The following CHCHD3 variants were observed in gnomAD, a reference collection of about 807,000 sequenced individuals.
CHCHD3 encodes the protein coiled-coil-helix-coiled-coil-helix domain containing 3, also known as MICOS complex subunit MIC19.
CHCHD3 carries 20 observed loss-of-function variants against 38.2 expected under a neutral mutation model. That is an observed-to-expected ratio of 0.52 (90% CI 0.37 to 0.76). The LOEUF is 0.76. Ranked by LOEUF, CHCHD3 falls within the 30% of genes least tolerant of loss-of-function variation. The pLI, the probability that CHCHD3 is intolerant of heterozygous loss-of-function variation, is 0.00. For missense variants in CHCHD3, 245 were observed against 279.2 expected, an observed-to-expected ratio of 0.88 and a Z score of 0.87; for synonymous variants, 82 against 100.0, an observed-to-expected ratio of 0.82 and a Z score of 1.07.
intron 2 of CHCHD3, among the ~76,000 whole-genome samples, chr7:133,043,020 C>T (rs1441878299): frequency 6.6e-6 from 1 of 151,962 alleles, no homozygotes; most frequent in Non-Finnish European, 1.5e-5. Context: ...GTGTGCACCA[C>T]CACACCCAGC....
intron 3 of CHCHD3, among the ~76,000 whole-genome samples, chr7:132,997,186 C>A (rs927041391): frequency 2.0e-5 from 3 of 152,136 alleles, no homozygotes; most frequent in Non-Finnish European, 2.9e-5. Flanking sequence ...TTCACAATAT[C>A]CATTTCTATC....
intron 1 of CHCHD3, among the ~76,000 whole-genome samples, chr7:133,072,337 T>C (rs1814848155): frequency 6.6e-6 from 1 of 152,146 alleles, no homozygotes; most frequent in Admixed American, 6.5e-5. Flanking sequence ...AATACTAACA[T>C]TCACTGAGTG....
Position 132,950,990 on chromosome 7 carries a change from C to T in CHCHD3, c.369+24179G>A, listed in dbSNP as rs1398838533. On this transcript the variant is annotated intron_variant, in intron 4 of 7. Coordinates refer to ENST00000262570, the MANE Select transcript of CHCHD3 (RefSeq NM_017812.4). Reference sequence around the variant, plus strand: ...TTGGCTGAGGCACAGCACCCTTAACCATCTATCATAAAGTACTCCGGACCT... The same window carrying T: ...TTGGCTGAGGCACAGCACCCTTAACTATCTATCATAAAGTACTCCGGACCT... Among the ~76,000 whole-genome samples, 9 of 152,276 alleles carry T rather than the reference C, an allele frequency of 5.9e-5. No homozygotes were observed. The South Asian group carries it at 1.9e-3, about 32-fold the overall frequency.
chr7:132,873,047 A>C (rs1808804614), intron 5 of CHCHD3, among the ~76,000 whole-genome samples: 1 of 151,966 alleles, frequency 6.6e-6, no homozygotes, highest in Non-Finnish European at 1.5e-5. Context: ...CCGAGATCGC[A>C]CCACTGCACT....
intron 2 of CHCHD3, among the ~76,000 whole-genome samples, chr7:133,037,893 C>CATTT (rs1446855935): frequency 6.6e-6 from 1 of 152,168 alleles, no homozygotes; most frequent in Non-Finnish European, 1.5e-5. Flanking sequence ...AGAAATGGAT[C>CATTT]ATTTTCCTTT....
At chr7:132,873,589 C>T (rs1304157614) in intron 5 of CHCHD3, among the ~76,000 whole-genome samples, 3 of 151,788 alleles carry the variant, frequency 2.0e-5, no homozygotes, top group Non-Finnish European at 2.9e-5. Flanking sequence ...TTAATGATGA[C>T]GTTGATGGTA....
At chr7:132,949,018 C>T (rs148610879) in intron 4 of CHCHD3, among the ~76,000 whole-genome samples, 30 of 152,092 alleles carry the variant, frequency 2.0e-4, no homozygotes, top group African/African-American at 5.5e-4. Flanking sequence ...ATAATCAAAA[C>T]GTCAATGTGA....
chr7:132,902,540 C>A (rs1809696327), intron 4 of CHCHD3, among the ~76,000 whole-genome samples: 1 of 152,040 alleles, frequency 6.6e-6, no homozygotes. Flanking sequence ...AAGCTGGAAA[C>A]CATCATTCTC....
chr7:132,984,383 G>A (rs1812018470), intron 3 of CHCHD3, among the ~76,000 whole-genome samples: 1 of 151,666 alleles, frequency 6.6e-6, no homozygotes, highest in African/African-American at 2.4e-5. Flanking sequence ...TGCCCAGGCT[G>A]GAGTGCAGTG....
At chr7:132,829,976 T>C (rs1393720578) in intron 6 of CHCHD3, among the ~76,000 whole-genome samples, 1 of 152,126 alleles carries the variant, frequency 6.6e-6, no homozygotes, top group Non-Finnish European at 1.5e-5. Context: ...AGTCATGGAG[T>C]AGAGAGATAA....
intron 7 of CHCHD3, among the ~76,000 whole-genome samples, chr7:132,792,188 TTTCAGAGTCACAC>T (rs1363321891): frequency 2.6e-5 from 4 of 152,120 alleles, no homozygotes; most frequent in African/African-American, 9.7e-5. Flanking sequence ...CCTGCTCTGT[TTTCAGAGTCACAC>T]TTCCCATGGT....
intron 4 of CHCHD3, among the ~76,000 whole-genome samples, chr7:132,939,540 A>G (rs982404014): frequency 2.0e-5 from 3 of 152,158 alleles, no homozygotes; most frequent in Non-Finnish European, 4.4e-5. Context: ...GTAGTAGCCG[A>G]TGCCACCTAG....
At chr7:132,902,636 G>A (rs1186583575) in intron 4 of CHCHD3, among the ~76,000 whole-genome samples, 5 of 152,144 alleles carry the variant, frequency 3.3e-5, no homozygotes, top group Non-Finnish European at 7.3e-5. Flanking sequence ...CTTGGACACA[G>A]GAAGGGGAAC....
chr7:133,014,993 A>G (rs1187230073), intron 3 of CHCHD3, among the ~76,000 whole-genome samples: 1 of 152,222 alleles, frequency 6.6e-6, no homozygotes, highest in Non-Finnish European at 1.5e-5. Flanking sequence ...AACTGAACTC[A>G]TGAGAAATTT....
Position 133,081,918 on chromosome 7 carries a change from G to A in CHCHD3, c.20C>T (p.Thr7Ile), listed in dbSNP as rs763968000. The change falls in exon 1 of 8, where the codon ACC becomes ATC. Residue 7 changes from threonine (T) to isoleucine (I), a missense_variant. By Grantham distance (89) the Thr-to-Ile change is moderately conservative (BLOSUM62 -1). Coordinates refer to ENST00000262570, the MANE Select transcript of CHCHD3 (RefSeq NM_017812.4). ...GTCCGCCTCGAAGGTGACCCGGCGG[G>A]TGCTGGTGGTCCCACCCATGATTCC... MGGTTSTRRVTFEADEN... is the reference protein window; with the variant it reads MGGTTSIRRVTFEADEN... 1.9e-6 allele frequency: 3 copies of A among 1,556,404 alleles called. No homozygotes were observed. The highest frequency in any genetic ancestry group is 1.2e-5 in the South Asian group (1 of 84,348).
intron 2 of CHCHD3, among the ~76,000 whole-genome samples, chr7:133,040,270 G>C (rs1043475119): frequency 1.3e-5 from 2 of 152,190 alleles, no homozygotes; most frequent in African/African-American, 4.8e-5. Context: ...CCTACTGAAG[G>C]AGTGAAGGAC....
chr7:132,860,277 A>G (rs1290384820), intron 5 of CHCHD3, among the ~76,000 whole-genome samples: 1 of 147,964 alleles, frequency 6.8e-6, no homozygotes, highest in African/African-American at 2.5e-5. Context: ...AAAAATAAAC[A>G]GATTTTTTTT....
intron 6 of CHCHD3, among the ~76,000 whole-genome samples, chr7:132,832,265 A>G (rs1239081328): frequency 6.6e-6 from 1 of 152,182 alleles, no homozygotes; most frequent in African/African-American, 2.4e-5. Context: ...AGCTTCTTCT[A>G]TGAGCCTAAA....
At chr7:133,037,648 A>G (rs1813716685) in intron 2 of CHCHD3, among the ~76,000 whole-genome samples, 1 of 152,138 alleles carries the variant, frequency 6.6e-6, no homozygotes, top group Non-Finnish European at 1.5e-5. Flanking sequence ...CCACACCTCT[A>G]CTAAAAGTAC....
Sources: allele counts gnomAD v4.1 joint callset (sites outside exome capture counted in the v4.1 genomes callset), GRCh38; gene constraint gnomAD v4.1.1; transcripts MANE v1.5; gene names NCBI Gene and HGNC (gene_info 2026-07-23, HGNC 2026-07-21).